CCSER1: variants seen among roughly 807,000 people sequenced by gnomAD.
CCSER1 encodes the protein serine-rich coiled-coil domain-containing protein 1.
In CCSER1, 41 loss-of-function variants were observed where a neutral mutation model predicts 82.0. That is an observed-to-expected ratio of 0.50 (90% CI 0.39 to 0.65). The LOEUF (loss-of-function observed/expected upper bound fraction) is 0.65, where lower values mean the gene tolerates loss of function less well. Among genes scored for constraint, CCSER1 ranks in the 30% least tolerant of loss-of-function variants. The pLI, the probability that CCSER1 is intolerant of heterozygous loss-of-function variation, is 0.00. For missense variants in CCSER1, 1,119 were observed against 1,064.2 expected, an observed-to-expected ratio of 1.05 and a Z score of -0.72; for synonymous variants, 414 against 383.9, an observed-to-expected ratio of 1.08 and a Z score of -0.92.
intron 10 of CCSER1, among the ~76,000 whole-genome samples, chr4:91,156,151 G>T (rs1476989239): frequency 1.3e-5 from 2 of 151,686 alleles, no homozygotes; most frequent in Non-Finnish European, 3.0e-5. Context: ...GATAATTGTT[G>T]AAGGGAGGTG....
intron 10 of CCSER1, among the ~76,000 whole-genome samples, chr4:91,349,523 A>C (rs979167356): frequency 1.1e-4 from 16 of 152,116 alleles, no homozygotes; most frequent in African/African-American, 3.4e-4. Flanking sequence ...TAACCCTTAA[A>C]GGGCTTCCAA....
intron 8 of CCSER1, among the ~76,000 whole-genome samples, chr4:90,850,007 C>G (rs1763673250): frequency 6.6e-6 from 1 of 152,120 alleles, no homozygotes; most frequent in Non-Finnish European, 1.5e-5. Flanking sequence ...ACACCCTGCT[C>G]TGTGCAGCCT....
At chr4:90,296,924 C>T (rs1272970524) in intron 1 of CCSER1, among the ~76,000 whole-genome samples, 3 of 152,042 alleles carry the variant, frequency 2.0e-5, no homozygotes, top group Non-Finnish European at 2.9e-5. Context: ...AGTCAGGTAG[C>T]GTGATGCTTC....
chr4:90,668,072 A>G (rs1732133116), intron 6 of CCSER1, among the ~76,000 whole-genome samples: 2 of 152,170 alleles, frequency 1.3e-5, no homozygotes, highest in Admixed American at 1.3e-4. Flanking sequence ...TGATTTTGGT[A>G]GATCTAAAGA....
At chr4:91,026,720 C>G (rs72667524) in intron 9 of CCSER1, among the ~76,000 whole-genome samples, 51,470 of 151,754 alleles carry the variant, frequency 0.34, 10,534 homozygotes, top group East Asian at 0.58. Context: ...AGCACTTATT[C>G]TGTAAGTACT....
At chr4:91,058,943 A>G (rs1478146243) in intron 9 of CCSER1, among the ~76,000 whole-genome samples, 1 of 152,012 alleles carries the variant, frequency 6.6e-6, no homozygotes, top group Non-Finnish European at 1.5e-5. Context: ...CTGATCAATC[A>G]TAATTTGCAT....
At chr4:90,213,756 A>T (rs2094475959) in intron 1 of CCSER1, among the ~76,000 whole-genome samples, 2 of 152,206 alleles carry the variant, frequency 1.3e-5, no homozygotes, top group Admixed American at 1.3e-4. Flanking sequence ...TAGTTCTTAA[A>T]TAAGGTGAGG....
At chr4:90,506,276 A>C (rs920742407) in intron 5 of CCSER1, among the ~76,000 whole-genome samples, 1 of 152,190 alleles carries the variant, frequency 6.6e-6, no homozygotes, top group East Asian at 1.9e-4. Flanking sequence ...ATTTTCTTAT[A>C]ATCAGAAAAA....
At chr4:90,802,561 A>G (rs1233715120) in intron 7 of CCSER1, among the ~76,000 whole-genome samples, 3 of 131,810 alleles carry the variant, frequency 2.3e-5, no homozygotes, top group Non-Finnish European at 3.3e-5. Context: ...TATAGCATCA[A>G]GTAGTAATTA....
In CCSER1 at chr4:91,053,692, AAACATCCCG is replaced by A. The variant is rs996351654; in HGVS notation, c.2173-32254_2173-32246del. 5.9e-5 allele frequency among the ~76,000 whole-genome samples: 9 copies of A among 152,368 alleles called. No homozygotes were observed. The East Asian group carries it at 1.2e-3, about 20-fold the overall frequency. ...TGCAATCACTGTCCGGATTCCTGGG[AAACATCCCG>A]AACTATTCTATGGATAAGTGAGCCT... On this transcript the variant is annotated intron_variant, in intron 9 of 10. Transcript: ENST00000509176.
intron 3 of CCSER1, among the ~76,000 whole-genome samples, chr4:90,396,539 A>T (rs1751987021): frequency 6.6e-6 from 1 of 152,194 alleles, no homozygotes; most frequent in Non-Finnish European, 1.5e-5. Flanking sequence ...TGTATTTTTT[A>T]AATTAGTAGT....
chr4:91,329,324 T>C (rs1038785281), intron 10 of CCSER1, among the ~76,000 whole-genome samples: 3 of 152,358 alleles, frequency 2.0e-5, no homozygotes, highest in East Asian at 3.9e-4. Context: ...TTTCTGATGC[T>C]GTGTGTTAAT....
At chr4:91,070,078 G>A (rs1053542426) in intron 9 of CCSER1, among the ~76,000 whole-genome samples, 1 of 151,232 alleles carries the variant, frequency 6.6e-6, no homozygotes, top group Non-Finnish European at 1.5e-5. Context: ...TCCGCCTCCC[G>A]AGTTCATGCC....
intron 9 of CCSER1, among the ~76,000 whole-genome samples, chr4:91,023,015 T>C (rs1351782275): frequency 1.3e-5 from 2 of 152,160 alleles, no homozygotes; most frequent in Admixed American, 6.5e-5. Context: ...TTTAGTTTAA[T>C]TAGATCCCAT....
chr4:90,325,754 C>G (rs9284586), intron 3 of CCSER1: 333,691 of 340,924 alleles, frequency 0.98, 163,359 homozygotes, highest in East Asian at 1. Flanking sequence ...TTATTTTATA[C>G]TTATTTTATG....
At chr4:91,015,927 C>T (rs1739393668) in intron 9 of CCSER1, among the ~76,000 whole-genome samples, 1 of 151,886 alleles carries the variant, frequency 6.6e-6, no homozygotes, top group Non-Finnish European at 1.5e-5. Flanking sequence ...AGTTTAATAG[C>T]ATTTTGTGTA....
chr4:90,808,500 G>T (rs1179516134), intron 7 of CCSER1, among the ~76,000 whole-genome samples: 1 of 151,764 alleles, frequency 6.6e-6, no homozygotes, highest in African/African-American at 2.4e-5. Flanking sequence ...CATCGACAAA[G>T]AACTAATATC....
chr4:90,695,897 A>G (rs1264606611), intron 6 of CCSER1, among the ~76,000 whole-genome samples: 1 of 152,076 alleles, frequency 6.6e-6, no homozygotes, highest in Non-Finnish European at 1.5e-5. Context: ...TTATTTAGAA[A>G]TAGAGATGAC....
chr4:90,766,120 A>T (rs547396780), intron 7 of CCSER1, among the ~76,000 whole-genome samples: 2 of 152,260 alleles, frequency 1.3e-5, no homozygotes, highest in East Asian at 3.9e-4. Context: ...ATTTTAGAGC[A>T]TAAATTTTTA....
Sources: gnomAD v4.1 joint callset for allele counts (sites outside exome capture counted in the v4.1 genomes callset) on GRCh38, gnomAD v4.1.1 for gene constraint, MANE v1.5 for transcripts, NCBI Gene and HGNC (gene_info 2026-07-23, HGNC 2026-07-21) for gene names.